PDE7B: variants seen among roughly 807,000 people sequenced by gnomAD.
PDE7B encodes phosphodiesterase 7B, also known as 3',5'-cyclic-AMP phosphodiesterase 7B.
In PDE7B, 29 loss-of-function variants were observed where a neutral mutation model predicts 56.2. The observed-to-expected ratio is 0.52, with a 90% confidence interval of 0.38 to 0.70. The LOEUF is 0.70. PDE7B is among the 30% of genes least tolerant of loss of function. The pLI is 0.00. For missense variants in PDE7B, 490 were observed against 565.0 expected (o/e 0.87, Z 1.35); for synonymous variants, 197 against 196.9 (o/e 1.00, Z 0.00).
chr6:136,177,724 A>T (rs1163223028), intron 9 of PDE7B, among the ~76,000 whole-genome samples: 1 of 152,214 alleles, frequency 6.6e-6, no homozygotes, highest in Non-Finnish European at 1.5e-5. Flanking sequence ...TATCTAGTAA[A>T]TTGAAGATAA....
Position 136,147,502 on chromosome 6 carries a change from G to A in PDE7B, c.318G>A (p.Arg106=), listed in dbSNP as rs772789719. 1 of 1,613,452 alleles carries A rather than the reference G, an allele frequency of 6.2e-7. No individual in the cohort carries two copies. Among genetic ancestry groups the A allele is most frequent in the Admixed American group, 1.7e-5 (1 of 59,970 alleles). ...LLDEDYLGQA[R]HMLSKVGMWD... is the part of the protein sequence containing the mutation. Reference sequence around the variant, plus strand: ...ATGAAGACTACCTTGGACAAGCAAGGGTAAGCTGACTGCCCCATCTCCTCA... The same window carrying A: ...ATGAAGACTACCTTGGACAAGCAAGAGTAAGCTGACTGCCCCATCTCCTCA... Residue 106 remains arginine (R), a splice_region_variant and synonymous_variant, in exon 4 of 13, where the codon AGG becomes AGA. Transcript: ENST00000308191.
chr6:136,094,367 C>T (rs1777439808), intron 2 of PDE7B: 1 of 152,770 alleles, frequency 6.5e-6, no homozygotes, highest in African/African-American at 2.4e-5. Context: ...CTCACTCTCC[C>T]TGCTCCACCA....
In PDE7B at chr6:136,191,856, A is replaced by C. The variant is rs1318023439; in HGVS notation, c.*16A>C. The C allele has an allele frequency of 1.9e-6, 3 of 1,538,648 alleles. No homozygotes were observed. In the South Asian group the frequency reaches 3.6e-5, roughly 18 times the overall value. Reference sequence around the variant, plus strand: ...CAGCCCCTAGGGGCCGGCCCAACTTAGACGCGGCTCTCCTCCGGCAGGGCC... The same window carrying C: ...CAGCCCCTAGGGGCCGGCCCAACTTCGACGCGGCTCTCCTCCGGCAGGGCC... On this transcript the variant is annotated 3_prime_UTR_variant, in exon 13 of 13. Coordinates refer to ENST00000308191, the MANE Select transcript of PDE7B (RefSeq NM_018945.4).
intron 2 of PDE7B, chr6:136,072,647 T>A (rs1476179614): frequency 6.6e-6 from 1 of 152,284 alleles, no homozygotes; most frequent in Non-Finnish European, 1.5e-5. Context: ...ATGGCTGTAC[T>A]ACTGAGAGCT....
At chr6:136,129,616 C>G (rs573883940) in intron 3 of PDE7B, among the ~76,000 whole-genome samples, 5 of 152,312 alleles carry the variant, frequency 3.3e-5, no homozygotes, top group African/African-American at 1.2e-4. Context: ...CTCATCTTTG[C>G]ATCATCAGCA....
intron 2 of PDE7B, among the ~76,000 whole-genome samples, chr6:136,074,619 A>G (rs1339666115): frequency 6.6e-6 from 1 of 152,080 alleles, no homozygotes; most frequent in Non-Finnish European, 1.5e-5. Flanking sequence ...TCTACTCCCT[A>G]TCTCCATGAG....
At chr6:135,852,889 CT>C (rs1774963806) in intron 1 of PDE7B, among the ~76,000 whole-genome samples, 2 of 152,262 alleles carry the variant, frequency 1.3e-5, no homozygotes, top group South Asian at 4.1e-4. Context: ...GAGTAAACCT[CT>C]TTGCACCAGA....
At chr6:136,036,623 A>G (rs1056390220) in intron 2 of PDE7B, among the ~76,000 whole-genome samples, 14 of 152,120 alleles carry the variant, frequency 9.2e-5, no homozygotes, top group African/African-American at 3.4e-4. Flanking sequence ...AATAAAACAC[A>G]CTCTACAACG....
chr6:135,936,860 T>A (rs1384074309), intron 1 of PDE7B, among the ~76,000 whole-genome samples: 1 of 152,204 alleles, frequency 6.6e-6, no homozygotes, highest in Admixed American at 6.5e-5. Flanking sequence ...AATACAGTCA[T>A]GCTAGACTTG....
intron 1 of PDE7B, among the ~76,000 whole-genome samples, chr6:135,881,282 G>A (rs778706704): frequency 2.5e-4 from 38 of 151,006 alleles, no homozygotes; most frequent in Admixed American, 4.6e-4. Context: ...CGGATCACAA[G>A]GTCAAGAGAT....
intron 2 of PDE7B, among the ~76,000 whole-genome samples, chr6:136,055,767 C>T (rs1297366097): frequency 6.6e-6 from 1 of 152,218 alleles, no homozygotes; most frequent in Non-Finnish European, 1.5e-5. Context: ...TCTGAGACCA[C>T]TTCCAAAGAA....
At chr6:135,942,887 T>C (rs1774530719) in intron 1 of PDE7B, among the ~76,000 whole-genome samples, 1 of 152,160 alleles carries the variant, frequency 6.6e-6, no homozygotes, top group Non-Finnish European at 1.5e-5. Context: ...CTATATCACA[T>C]TTTCTTTAGC....
chr6:136,038,152 C>A (rs1285020003), intron 2 of PDE7B: 14 of 1,298,964 alleles, frequency 1.1e-5, no homozygotes, highest in Non-Finnish European at 1.4e-5. Flanking sequence ...CGGGGGTTCG[C>A]TTTTCCCTGC....
intron 2 of PDE7B, among the ~76,000 whole-genome samples, chr6:136,097,575 T>C (rs1369092243): frequency 1.3e-5 from 2 of 152,212 alleles, no homozygotes; most frequent in Non-Finnish European, 2.9e-5. Flanking sequence ...CCTTTCTCCA[T>C]ACTGCACCCA....
chr6:136,092,735 T>C (rs1311473342), intron 2 of PDE7B, among the ~76,000 whole-genome samples: 1 of 152,148 alleles, frequency 6.6e-6, no homozygotes, highest in Non-Finnish European at 1.5e-5. Flanking sequence ...CACTCCAGCC[T>C]GGACAACAAG....
intron 2 of PDE7B, among the ~76,000 whole-genome samples, chr6:136,086,927 C>G (rs1233431942): frequency 3.3e-5 from 5 of 152,142 alleles, no homozygotes; most frequent in Admixed American, 1.3e-4. Flanking sequence ...CCAATCACCA[C>G]ACAAACTGTG....
intron 2 of PDE7B, among the ~76,000 whole-genome samples, chr6:136,022,709 C>T (rs1274461567): frequency 1.3e-5 from 2 of 152,164 alleles, no homozygotes; most frequent in African/African-American, 2.4e-5. Flanking sequence ...GAGCCATTGC[C>T]CTTCAGCTAT....
At chr6:136,063,264 A>G (rs528222956) in intron 2 of PDE7B, among the ~76,000 whole-genome samples, 56 of 152,344 alleles carry the variant, frequency 3.7e-4, no homozygotes, top group African/African-American at 1.3e-3. Context: ...AATGAACAGC[A>G]TCTGATTAAC....
At chr6:136,098,132 C>CT (rs1302420919) in intron 2 of PDE7B, 1 of 33,996 alleles carries the variant, frequency 2.9e-5, no homozygotes, top group Non-Finnish European at 6.4e-5. Context: ...TCTTTAGTTC[C>CT]TGGGGGGGGG....
Sources: allele counts gnomAD v4.1 joint callset (sites outside exome capture counted in the v4.1 genomes callset), GRCh38; gene constraint gnomAD v4.1.1; transcripts MANE v1.5; gene names NCBI Gene and HGNC (gene_info 2026-07-23, HGNC 2026-07-21).